The following PDE4D variants were observed in gnomAD, a reference collection of about 807,000 sequenced individuals.
PDE4D encodes the protein 3',5'-cyclic-AMP phosphodiesterase 4D.
PDE4D carries 24 observed loss-of-function variants against 87.4 expected under a neutral mutation model. The ratio of observed to expected loss-of-function variants is 0.27; its 90% confidence interval spans 0.20 to 0.39. PDE4D has a LOEUF of 0.39. PDE4D is among the 10% of genes least tolerant of loss of function. The pLI, the probability that PDE4D is intolerant of heterozygous loss-of-function variation, is 1.00. For missense variants in PDE4D, 714 were observed against 1,041.0 expected (o/e 0.69, Z 4.32); for synonymous variants, 384 against 383.2 (o/e 1.00, Z -0.02).
At chr5:59,452,283 G>A (rs772510508) in intron 1 of PDE4D, among the ~76,000 whole-genome samples, 2 of 152,068 alleles carry the variant, frequency 1.3e-5, no homozygotes, top group Non-Finnish European at 2.9e-5. Flanking sequence ...CATAAGATCC[G>A]CCTCTGCCAC....
intron 1 of PDE4D, among the ~76,000 whole-genome samples, chr5:59,749,162 C>T (rs1390809663): frequency 1.3e-5 from 2 of 152,334 alleles, no homozygotes; most frequent in South Asian, 2.1e-4. Context: ...TTGTATGCCA[C>T]CAATTGGCTG....
intron 1 of PDE4D, among the ~76,000 whole-genome samples, chr5:59,633,442 T>G (rs1421264452): frequency 6.6e-6 from 1 of 152,158 alleles, no homozygotes; most frequent in Non-Finnish European, 1.5e-5. Flanking sequence ...ATCGTGAGAT[T>G]CATCAAGGTT....
chr5:59,938,867 G>C (rs908424805), intron 3 of PDE4D, among the ~76,000 whole-genome samples: 4 of 152,106 alleles, frequency 2.6e-5, no homozygotes, highest in Non-Finnish European at 5.9e-5. Context: ...TGTCAGTAAG[G>C]AGACTTCTAC....
At chr5:59,407,932 C>T (rs1425463218) in intron 1 of PDE4D, among the ~76,000 whole-genome samples, 1 of 152,148 alleles carries the variant, frequency 6.6e-6, no homozygotes, top group African/African-American at 2.4e-5. Flanking sequence ...AAAAGGGAAG[C>T]AGAGCTTACA....
chr5:60,106,423 C>A (rs1157625352), intron 2 of PDE4D, among the ~76,000 whole-genome samples: 1 of 151,634 alleles, frequency 6.6e-6, no homozygotes, highest in African/African-American at 2.4e-5. Context: ...ACTTTAACAC[C>A]CCACTGTCAA....
At chr5:59,794,137 GCACACACACA>G (rs58204799) in intron 1 of PDE4D, among the ~76,000 whole-genome samples, 10,109 of 145,008 alleles carry the variant, frequency 0.07, 419 homozygotes, top group African/African-American at 0.11. Flanking sequence ...ACACAGAGGC[GCACACACACA>G]CACACACACA....
chr5:60,315,976 T>G (rs1001969570), intron 1 of PDE4D, among the ~76,000 whole-genome samples: 2 of 152,192 alleles, frequency 1.3e-5, no homozygotes, highest in Non-Finnish European at 2.9e-5. Context: ...GTGGGCTCTT[T>G]TTTGGTTCCA....
chr5:60,222,749 T>C (rs1401706137), intron 1 of PDE4D, among the ~76,000 whole-genome samples: 3 of 152,160 alleles, frequency 2.0e-5, no homozygotes, highest in Non-Finnish European at 4.4e-5. Flanking sequence ...AAACATTTCA[T>C]ATGTTTATTA....
chr5:60,300,064 G>T (rs1038412223), intron 1 of PDE4D, among the ~76,000 whole-genome samples: 1 of 151,776 alleles, frequency 6.6e-6, no homozygotes, highest in Admixed American at 6.6e-5. Context: ...AGTATCTGTT[G>T]TTTTTTTTAT....
chr5:59,801,683 T>A (rs1767142508), intron 1 of PDE4D, among the ~76,000 whole-genome samples: 1 of 152,196 alleles, frequency 6.6e-6, no homozygotes, highest in Non-Finnish European at 1.5e-5. Context: ...ATACTTCTGT[T>A]TTTATGTATA....
chr5:60,280,624 G>T (rs1751806776), intron 1 of PDE4D, among the ~76,000 whole-genome samples: 1 of 152,044 alleles, frequency 6.6e-6, no homozygotes. Context: ...GTGGCCTCAG[G>T]TTCATATAAC....
intron 1 of PDE4D, among the ~76,000 whole-genome samples, chr5:59,343,209 G>C (rs1182966354): frequency 2.6e-5 from 4 of 151,810 alleles, no homozygotes; most frequent in Non-Finnish European, 5.9e-5. Context: ...ATAATATTTG[G>C]TTTACAATAC....
chr5:59,426,452 T>C (rs1795225343), intron 1 of PDE4D, among the ~76,000 whole-genome samples: 1 of 152,036 alleles, frequency 6.6e-6, no homozygotes, highest in East Asian at 1.9e-4. Flanking sequence ...ATCCCAGCGA[T>C]AATAGGGAGA....
chr5:59,611,440 C>T (rs935693192), intron 1 of PDE4D, among the ~76,000 whole-genome samples: 5 of 152,088 alleles, frequency 3.3e-5, no homozygotes, highest in African/African-American at 1.2e-4. Flanking sequence ...TGGTTTAACC[C>T]ATATGGCTCA....
rs1452131762 is a variant in PDE4D, at chr5:59,175,567, C to T, written c.808+5028G>A. Among the ~76,000 whole-genome samples, 5 of 149,536 alleles carry T rather than the reference C, an allele frequency of 3.3e-5. No individual in the cohort carries two copies. In the East Asian group the frequency reaches 6.0e-4, roughly 18 times the overall value. ...CCTGATCTCGGCTCACTGCAACCTC[C>T]GCCCTCAGAGTTCAAGCGATTTCCT... On this transcript the variant is annotated intron_variant, in intron 5 of 14. Coordinates refer to ENST00000340635, the MANE Select transcript of PDE4D (RefSeq NM_001104631.2).
chr5:60,016,023 C>CTTG, intron 2 of PDE4D, among the ~76,000 whole-genome samples: 1 of 147,370 alleles, frequency 6.8e-6, no homozygotes, highest in Admixed American at 6.8e-5. Context: ...CTCTCTCTCT[C>CTTG]TCTGTGTGTG....
At chr5:60,257,102 A>G (rs191496082) in intron 1 of PDE4D, among the ~76,000 whole-genome samples, 1 of 151,988 alleles carries the variant, frequency 6.6e-6, no homozygotes, top group African/African-American at 2.4e-5. Flanking sequence ...AAAATAAAAT[A>G]AAATTCACAC....
chr5:59,020,670 T>C (rs1327589550), intron 6 of PDE4D, among the ~76,000 whole-genome samples: 1 of 152,104 alleles, frequency 6.6e-6, no homozygotes, highest in East Asian at 1.9e-4. Flanking sequence ...CTGGAATTTT[T>C]TTTTTTTTTT....
chr5:60,409,183 G>A, intron 1 of PDE4D, among the ~76,000 whole-genome samples: 1 of 152,198 alleles, frequency 6.6e-6, no homozygotes, highest in East Asian at 1.9e-4. Context: ...GGTTAGGGTG[G>A]CCAGAAAAGA....
Sources: allele counts gnomAD v4.1 joint callset (sites outside exome capture counted in the v4.1 genomes callset), GRCh38; gene constraint gnomAD v4.1.1; transcripts MANE v1.5; gene names NCBI Gene and HGNC (gene_info 2026-07-23, HGNC 2026-07-21).